The following MAMDC2 variants were observed in gnomAD, a reference collection of about 807,000 sequenced individuals.
The protein encoded by MAMDC2 is MAM domain-containing protein 2.
Under a neutral mutation model 89.8 loss-of-function variants are expected in MAMDC2, and 57 were observed. That is an observed-to-expected ratio of 0.63 (90% CI 0.51 to 0.79). The LOEUF (loss-of-function observed/expected upper bound fraction) is 0.79, where lower values mean the gene tolerates loss of function less well. MAMDC2 is among the 30% of genes least tolerant of loss of function. The pLI, the probability that MAMDC2 is intolerant of heterozygous loss-of-function variation, is 0.00. For missense variants in MAMDC2, 800 were observed against 820.6 expected (o/e 0.97, Z 0.31); for synonymous variants, 313 against 293.4 (o/e 1.07, Z -0.68).
intron 2 of MAMDC2, chr9:70,106,034 C>A (rs1329578351): frequency 1.3e-5 from 2 of 152,232 alleles, no homozygotes; most frequent in African/African-American, 4.8e-5. Context: ...CCAGTAGCAA[C>A]AGTATCACCT....
chr9:70,225,700 CT>C (rs761540459), intron 12 of MAMDC2, 49 bp from the exon 13 acceptor site: 16 of 1,213,222 alleles, frequency 1.3e-5, no homozygotes, highest in Non-Finnish European at 1.7e-5. Context: ...CTGACCAGCA[CT>C]GTAATCAGGA....
intron 9 of MAMDC2, among the ~76,000 whole-genome samples, chr9:70,152,221 C>A (rs962082647): frequency 6.6e-6 from 1 of 152,126 alleles, no homozygotes; most frequent in African/African-American, 2.4e-5. Context: ...TATTAATAAC[C>A]CCTTGCTGTC....
chr9:70,139,454 CATT>C (rs1377765592), intron 7 of MAMDC2, among the ~76,000 whole-genome samples: 7 of 151,378 alleles, frequency 4.6e-5, no homozygotes, highest in Non-Finnish European at 1.0e-4. Context: ...ATGAACTCAT[CATT>C]TTTTATGGCT....
At chr9:70,119,972 C>G (rs983837993) in intron 5 of MAMDC2, among the ~76,000 whole-genome samples, 14 of 152,196 alleles carry the variant, frequency 9.2e-5, no homozygotes, top group African/African-American at 3.4e-4. Flanking sequence ...CAGGGATGAG[C>G]AACTCTCTGG....
chr9:70,143,810 G>T lies in MAMDC2; in HGVS notation c.1395G>T (p.Met465Ile). The T allele has an allele frequency of 6.2e-7, 1 of 1,613,908 alleles. No homozygotes were observed. The highest frequency in any genetic ancestry group is 1.1e-5 in the South Asian group (1 of 91,074). Residue 465 changes from methionine (M) to isoleucine (I), a missense_variant, in exon 9 of 14, where the codon ATG becomes ATT. Coordinates refer to ENST00000377182, the MANE Select transcript of MAMDC2 (RefSeq NM_153267.5). ...CTGAAATCACCTTTAAGAAGCCCAT[G>T]CCTACCAAGGTACAGCAGAGCCAAT... ...MQAEITFKKP[M>I]PTKVVFMSLC...
chr9:70,174,544 A>C (rs1432931280), intron 11 of MAMDC2, among the ~76,000 whole-genome samples: 1 of 152,168 alleles, frequency 6.6e-6, no homozygotes, highest in South Asian at 2.1e-4. Flanking sequence ...TGTTCCAGGT[A>C]GAGGGGACAG....
chr9:70,217,549 A>G, intron 11 of MAMDC2: 1 of 1,589,310 alleles, frequency 6.3e-7, no homozygotes, highest in Non-Finnish European at 8.6e-7. Flanking sequence ...AAAAAAGGCT[A>G]AGCAAGCATC....
chr9:70,226,221 A>G lies in MAMDC2; in HGVS notation c.*189A>G, dbSNP rs2033638214. ...CTCTTTTTTTCTTTTTGCATATGAC[A>G]ACTGTTACTAGAAATACAGGCTACT... On this transcript the variant is annotated 3_prime_UTR_variant, in exon 14 of 14. Transcript: ENST00000377182. The G allele has an allele frequency of 2.4e-6, 1 of 418,462 alleles. No homozygotes were observed. Among genetic ancestry groups the G allele is most frequent in the Non-Finnish European group, 4.3e-6 (1 of 232,432 alleles). The allele number at this position is 418,462 out of a possible 1,614,324, so 25.9% of individuals were successfully genotyped here. A position where few individuals can be genotyped will look rare whatever the true frequency, so the allele number is the denominator to read the frequency against.
At chr9:70,172,837 C>G (rs2032391406) in intron 11 of MAMDC2, 1 of 153,060 alleles carries the variant, frequency 6.5e-6, no homozygotes, top group Admixed American at 6.5e-5. Context: ...GTGAAGGATG[C>G]TAAGGTGGTT....
intron 11 of MAMDC2, among the ~76,000 whole-genome samples, chr9:70,194,764 G>A (rs1312339744): frequency 6.6e-6 from 1 of 152,000 alleles, no homozygotes; most frequent in African/African-American, 2.4e-5. Flanking sequence ...AAATTCTGAT[G>A]TTTATCTCTG....
At position 70,108,328 on chromosome 9, in the gene MAMDC2, C is replaced by T. The variant is rs772429334; in HGVS notation, c.266C>T (p.Thr89Ile). The T allele has an allele frequency of 1.9e-6, 3 of 1,614,130 alleles. No homozygotes were observed. Among genetic ancestry groups the T allele is most frequent in the South Asian group, 2.2e-5 (2 of 91,074 alleles). ...SCLRLVYQIT[T>I]SSESLSDPSQ... is the part of the protein sequence containing the mutation. ...CTCCGTTTGGTCTACCAGATAACCACATCTTCGGAGTCTCTGTCAGATCCC... is the reference window on the plus strand; with the variant it reads ...CTCCGTTTGGTCTACCAGATAACCATATCTTCGGAGTCTCTGTCAGATCCC... Residue 89 changes from threonine (T) to isoleucine (I), a missense_variant, in exon 3 of 14, where the codon ACA (threonine) becomes ATA (isoleucine). By Grantham distance (89) the Thr-to-Ile change is moderately conservative (BLOSUM62 -1). Transcript: ENST00000377182.
chr9:70,122,429 C>T (rs954819273), intron 5 of MAMDC2, among the ~76,000 whole-genome samples: 5 of 152,146 alleles, frequency 3.3e-5, no homozygotes, highest in African/African-American at 7.2e-5. Flanking sequence ...CTCAGATGTC[C>T]GTCATCTGCA....
intron 2 of MAMDC2, among the ~76,000 whole-genome samples, chr9:70,074,039 A>T (rs1827471213): frequency 6.6e-6 from 1 of 152,190 alleles, no homozygotes; most frequent in Non-Finnish European, 1.5e-5. Flanking sequence ...TTTGTGTATG[A>T]TGTCATGAAC....
chr9:70,149,412 T>A (rs2031514754), intron 9 of MAMDC2, among the ~76,000 whole-genome samples: 1 of 151,958 alleles, frequency 6.6e-6, no homozygotes, highest in African/African-American at 2.4e-5. Flanking sequence ...CTGCAGTGCA[T>A]TCTCAAGGAA....
intron 2 of MAMDC2, among the ~76,000 whole-genome samples, chr9:70,077,131 G>A (rs963325369): frequency 5.3e-5 from 8 of 152,150 alleles, no homozygotes; most frequent in African/African-American, 1.7e-4. Context: ...TTTATTCTAG[G>A]TTCTCTTATG....
chr9:70,221,604 T>C (rs1394180922), intron 12 of MAMDC2, among the ~76,000 whole-genome samples: 2 of 151,396 alleles, frequency 1.3e-5, no homozygotes, highest in African/African-American at 4.9e-5. Context: ...CAGTCAATAA[T>C]GTATTGTATA....
chr9:70,178,923 C>A (rs2032571127), intron 11 of MAMDC2, among the ~76,000 whole-genome samples: 1 of 152,120 alleles, frequency 6.6e-6, no homozygotes, highest in Non-Finnish European at 1.5e-5. Flanking sequence ...AGTGTGGCAG[C>A]TTTCGAAGAA....
At chr9:70,090,098 C>A (rs1306938400) in intron 2 of MAMDC2, among the ~76,000 whole-genome samples, 1 of 149,276 alleles carries the variant, frequency 6.7e-6, no homozygotes, top group Non-Finnish European at 1.5e-5. Context: ...CCCAACAACC[C>A]AATTAAAAAA....
At chr9:70,155,959 A>G (rs1403610296) in intron 9 of MAMDC2, among the ~76,000 whole-genome samples, 1 of 152,206 alleles carries the variant, frequency 6.6e-6, no homozygotes, top group Admixed American at 6.5e-5. Context: ...GCTCTAGTTC[A>G]GGAATATAAA....
Sources: gnomAD v4.1 joint callset for allele counts (sites outside exome capture counted in the v4.1 genomes callset) on GRCh38, gnomAD v4.1.1 for gene constraint, MANE v1.5 for transcripts, NCBI Gene and HGNC (gene_info 2026-07-23, HGNC 2026-07-21) for gene names.